UBXN7: variants seen among roughly 807,000 people sequenced by gnomAD.
The protein encoded by UBXN7 is UBX domain protein 7.
A neutral mutation model predicts 58.0 loss-of-function variants in UBXN7; 9 were observed. The ratio of observed to expected loss-of-function variants is 0.16; its 90% confidence interval spans 0.09 to 0.27. UBXN7 has a LOEUF of 0.27. Ranked by LOEUF, UBXN7 falls within the 10% of genes least tolerant of loss-of-function variation. The pLI is 1.00. For synonymous variants in UBXN7, 208 were observed against 205.0 expected (o/e 1.01, Z -0.12); for missense variants, 328 against 599.6 (o/e 0.55, Z 4.73).
chr3:196,395,129 T>C (rs762489298), intron 3 of UBXN7, among the ~76,000 whole-genome samples: 1 of 152,216 alleles, frequency 6.6e-6, no homozygotes, highest in African/African-American at 2.4e-5. Context: ...GGCCAGCATG[T>C]AACCAGAATA....
intron 1 of UBXN7, among the ~76,000 whole-genome samples, chr3:196,419,300 A>G (rs538394695): frequency 7.0e-6 from 1 of 143,488 alleles, no homozygotes; most frequent in African/African-American, 2.8e-5. Context: ...AATTAAATAA[A>G]TAAATAAATA....
intron 3 of UBXN7, among the ~76,000 whole-genome samples, chr3:196,401,316 CACACATAT>C (rs1157465299): frequency 1.8e-5 from 2 of 112,094 alleles, no homozygotes; most frequent in African/African-American, 7.2e-5. Context: ...CACACACACA[CACACATAT>C]ATATATATAC....
intron 10 of UBXN7, among the ~76,000 whole-genome samples, chr3:196,357,193 T>G (rs1176683991): frequency 6.6e-6 from 1 of 152,218 alleles, no homozygotes; most frequent in African/African-American, 2.4e-5. Flanking sequence ...TCAAGGAAGA[T>G]ATGTCCTTCA....
chr3:196,391,576 T>A (rs4579046), intron 5 of UBXN7, among the ~76,000 whole-genome samples: 79,193 of 150,706 alleles, frequency 0.53, 21,207 homozygotes, highest in East Asian at 0.9. Context: ...ACCAAAAAAA[T>A]TTTTTTAATT....
intron 1 of UBXN7, chr3:196,414,604 A>G (rs1291785307): frequency 6.6e-6 from 1 of 152,200 alleles, no homozygotes; most frequent in Non-Finnish European, 1.5e-5. Flanking sequence ...CTATCTTTGC[A>G]TGATTTGGAT....
At chr3:196,420,106 G>A (rs1730632228) in intron 1 of UBXN7, among the ~76,000 whole-genome samples, 1 of 152,178 alleles carries the variant, frequency 6.6e-6, no homozygotes, top group African/African-American at 2.4e-5. Context: ...AACAATTTCT[G>A]ATGGATCAGC....
At position 196,350,201 on chromosome 3, in the gene UBXN7, G is replaced by A. The variant is rs954446024; in HGVS notation, c.*6484C>T. ...ATGTTTATTAAAGTAGTTCAAATTG[G>A]ATTGCCCAACTTTATTTTGAAATCA... On this transcript the variant is annotated 3_prime_UTR_variant, in exon 11 of 11. Transcript: ENST00000296328. 6.6e-6 allele frequency: 1 copy of A among 152,120 alleles called. No individual in the cohort carries two copies. The highest frequency in any genetic ancestry group is 6.5e-5 in the Admixed American group (1 of 15,282). 9.4% of individuals were successfully genotyped at this position (152,120 alleles called of 1,614,324 possible).
intron 5 of UBXN7, among the ~76,000 whole-genome samples, chr3:196,385,454 C>T (rs575830858): frequency 6.6e-4 from 101 of 152,188 alleles, no homozygotes; most frequent in South Asian, 2.7e-3. Flanking sequence ...CGCCTCTGCC[C>T]GGCCGTCATC....
chr3:196,409,425 T>C (rs1030398269), intron 1 of UBXN7, among the ~76,000 whole-genome samples: 17 of 152,180 alleles, frequency 1.1e-4, no homozygotes, highest in Admixed American at 9.8e-4. Context: ...TTGCTCACTG[T>C]GTCACAGTTT....
In UBXN7 at chr3:196,356,536, T is replaced by C. The variant is rs1449243374; in HGVS notation, c.*149A>G. On this transcript the variant is annotated 3_prime_UTR_variant, in exon 11 of 11. Coordinates refer to ENST00000296328, the MANE Select transcript of UBXN7 (RefSeq NM_015562.2). ...CAAAGGGGGAGAAAGAGACTGATTATAGGAGAGATCAAGAAATAAGAGAAG... is the reference window on the plus strand; with the variant it reads ...CAAAGGGGGAGAAAGAGACTGATTACAGGAGAGATCAAGAAATAAGAGAAG... The C allele has an allele frequency of 3.8e-6, 3 of 793,420 alleles. No individual in the cohort carries two copies. The highest frequency in any genetic ancestry group is 2.0e-5 in the South Asian group (1 of 50,976). 49.1% of individuals were successfully genotyped at this position (793,420 alleles called of 1,614,324 possible).
chr3:196,363,066 A>T (rs1028575379), intron 8 of UBXN7, among the ~76,000 whole-genome samples: 5 of 151,616 alleles, frequency 3.3e-5, no homozygotes, highest in Non-Finnish European at 7.4e-5. Flanking sequence ...CACCACGCCC[A>T]GCTAATTTTT....
chr3:196,406,729 C>A (rs1257580420), intron 2 of UBXN7, among the ~76,000 whole-genome samples: 3 of 152,202 alleles, frequency 2.0e-5, no homozygotes, highest in African/African-American at 7.2e-5. Context: ...CAGGCATGAG[C>A]CACCGCGCCC....
intron 5 of UBXN7, among the ~76,000 whole-genome samples, chr3:196,383,802 G>A (rs996156803): frequency 3.9e-5 from 6 of 152,208 alleles, no homozygotes; most frequent in African/African-American, 1.4e-4. Flanking sequence ...TTAAAGCAGT[G>A]TGTAGAGGGA....
At chr3:196,415,885 C>T (rs1730465520) in intron 1 of UBXN7, among the ~76,000 whole-genome samples, 1 of 152,248 alleles carries the variant, frequency 6.6e-6, no homozygotes, top group African/African-American at 2.4e-5. Flanking sequence ...GCTGCTTGTT[C>T]TAGCAGAGAT....
rs546310361 is a variant in UBXN7, at chr3:196,360,425, A to G, written c.1308+1419T>C. On this transcript the variant is annotated intron_variant, in intron 10 of 10. Transcript: ENST00000296328. ...CAGTTGAAGCCAATGCTCATTTAAC[A>G]TTCCAAAATCCCAGGTCCCTTAAAA... Among the ~76,000 whole-genome samples the G allele has an allele frequency of 1.3e-4, 20 of 152,326 alleles. No individual in the cohort carries two copies. In the East Asian group the frequency reaches 2.9e-3, roughly 22 times the overall value.
At chr3:196,373,694 C>T (rs896811729) in intron 5 of UBXN7, among the ~76,000 whole-genome samples, 8 of 150,252 alleles carry the variant, frequency 5.3e-5, no homozygotes, top group Non-Finnish European at 1.2e-4. Context: ...TTGTATGAAT[C>T]CCCCAGAATA....
At chr3:196,375,010 GGAAGGAAGGAAGGA>G (rs1560223371) in intron 5 of UBXN7, among the ~76,000 whole-genome samples, 7 of 117,148 alleles carry the variant, frequency 6.0e-5, no homozygotes, top group Non-Finnish European at 7.6e-5. Context: ...GAGGGAGGAA[GGAAGGAAGGAAGGA>G]AGGAAGGAAG....
chr3:196,362,869 G>T (rs1728542258), intron 8 of UBXN7, among the ~76,000 whole-genome samples, 182 bp from the exon 9 acceptor site: 1 of 151,984 alleles, frequency 6.6e-6, no homozygotes, highest in Admixed American at 6.6e-5. Flanking sequence ...ATATATATGT[G>T]TGTGTATATA....
intron 5 of UBXN7, among the ~76,000 whole-genome samples, chr3:196,376,545 C>CAAAAAAAAA (rs777458391): frequency 1.2e-4 from 6 of 50,900 alleles, no homozygotes; most frequent in South Asian, 1.0e-3. Context: ...GACTCTGTCT[C>CAAAAAAAAA]AAAAAAAAAA....
Sources: allele counts gnomAD v4.1 joint callset (sites outside exome capture counted in the v4.1 genomes callset), GRCh38; gene constraint gnomAD v4.1.1; transcripts MANE v1.5; gene names NCBI Gene and HGNC (gene_info 2026-07-23, HGNC 2026-07-21).